The following MAP2K4 variants were observed in gnomAD, a reference collection of about 807,000 sequenced individuals.
MAP2K4 encodes mitogen-activated protein kinase kinase 4.
Under a neutral mutation model 48.5 loss-of-function variants are expected in MAP2K4, and 4 were observed. That is an observed-to-expected ratio of 0.08 (90% CI 0.04 to 0.19). The LOEUF is 0.19. Ranked by LOEUF, MAP2K4 falls within the 10% of genes least tolerant of loss-of-function variation. The pLI, the probability that MAP2K4 is intolerant of heterozygous loss-of-function variation, is 1.00. For synonymous variants in MAP2K4, 166 were observed against 173.1 expected (o/e 0.96, Z 0.32); for missense variants, 258 against 493.3 (o/e 0.52, Z 4.52).
At chr17:12,050,997 G>A (rs953524773) in intron 1 of MAP2K4, among the ~76,000 whole-genome samples, 1 of 152,104 alleles carries the variant, frequency 6.6e-6, no homozygotes, top group African/African-American at 2.4e-5. Context: ...TGTTTGAAAG[G>A]TGCTGGCTGT....
chr17:12,050,615 G>A (rs560885167), intron 1 of MAP2K4, among the ~76,000 whole-genome samples: 3 of 151,866 alleles, frequency 2.0e-5, no homozygotes, highest in South Asian at 4.1e-4. Flanking sequence ...TCAACTGCCC[G>A]TGTTGAGGTT....
intron 2 of MAP2K4, among the ~76,000 whole-genome samples, chr17:12,057,570 ATC>A (rs1229554659): frequency 3.3e-5 from 5 of 152,070 alleles, no homozygotes; most frequent in Non-Finnish European, 4.4e-5. Flanking sequence ...AGATTCATGT[ATC>A]TCTTTTTCTG....
intron 3 of MAP2K4, among the ~76,000 whole-genome samples, chr17:12,091,205 A>G (rs1971551243): frequency 6.6e-6 from 1 of 152,224 alleles, no homozygotes; most frequent in Non-Finnish European, 1.5e-5. Flanking sequence ...GCTAAATATT[A>G]TTCAAGATTT....
At chr17:12,136,865 G>A (rs566159227) in intron 9 of MAP2K4, among the ~76,000 whole-genome samples, 2 of 152,200 alleles carry the variant, frequency 1.3e-5, no homozygotes, top group South Asian at 4.2e-4. Flanking sequence ...ATGCTGTGTA[G>A]ATCTGATGCC....
chr17:12,116,211 T>G (rs1972487829), intron 7 of MAP2K4, among the ~76,000 whole-genome samples: 1 of 152,188 alleles, frequency 6.6e-6, no homozygotes, highest in African/African-American at 2.4e-5. Flanking sequence ...ACTTTATACT[T>G]TTGTTAGAAT....
intron 4 of MAP2K4, among the ~76,000 whole-genome samples, chr17:12,100,449 T>C (rs1971902236): frequency 6.6e-6 from 1 of 152,200 alleles, no homozygotes; most frequent in Non-Finnish European, 1.5e-5. Flanking sequence ...TCTATCAGTT[T>C]GTTACTCATT....
At chr17:12,130,048 G>A (rs1972974980) in intron 9 of MAP2K4, among the ~76,000 whole-genome samples, 1 of 152,120 alleles carries the variant, frequency 6.6e-6, no homozygotes, top group Non-Finnish European at 1.5e-5. Flanking sequence ...TGAACAAAAA[G>A]CCTCAGAGCA....
chr17:12,089,862 G>A (rs1280241701), intron 3 of MAP2K4, among the ~76,000 whole-genome samples: 2 of 152,252 alleles, frequency 1.3e-5, no homozygotes, highest in Non-Finnish European at 2.9e-5. Context: ...AACAAAAATA[G>A]CATCAGTTAG....
intron 2 of MAP2K4, among the ~76,000 whole-genome samples, chr17:12,075,506 G>A (rs1197945811): frequency 6.6e-6 from 1 of 152,186 alleles, no homozygotes; most frequent in Non-Finnish European, 1.5e-5. Context: ...GTGTTAATAG[G>A]TAAGGAACTT....
At chr17:12,140,206 T>C (rs1597509948) in intron 10 of MAP2K4, among the ~76,000 whole-genome samples, 1 of 25,066 alleles carries the variant, frequency 4.0e-5, no homozygotes, top group Non-Finnish European at 2.3e-4. Flanking sequence ...AGAAAAAAAT[T>C]AGTGAAAATT....
intron 1 of MAP2K4, among the ~76,000 whole-genome samples, chr17:12,040,941 C>A (rs1274909385): frequency 1.3e-5 from 2 of 152,194 alleles, no homozygotes; most frequent in Non-Finnish European, 2.9e-5. Context: ...GTCTCTCTCT[C>A]ATAATGTTCT....
chr17:12,088,925 T>G (rs1441579371), intron 3 of MAP2K4, among the ~76,000 whole-genome samples: 1 of 150,306 alleles, frequency 6.7e-6, no homozygotes, highest in African/African-American at 2.4e-5. Flanking sequence ...TTTTTTTTTT[T>G]TTTTGAGACA....
intron 2 of MAP2K4, among the ~76,000 whole-genome samples, chr17:12,074,246 A>T (rs926294379): frequency 6.6e-6 from 1 of 151,720 alleles, no homozygotes; most frequent in African/African-American, 2.4e-5. Flanking sequence ...CAATTGATTG[A>T]TGTTTTTCTC....
At chr17:12,087,591 C>G (rs567385365) in intron 3 of MAP2K4, among the ~76,000 whole-genome samples, 1 of 151,372 alleles carries the variant, frequency 6.6e-6, no homozygotes, top group Non-Finnish European at 1.5e-5. Flanking sequence ...TCTCAGTATC[C>G]CCAGTGAGAA....
chr17:12,139,915 C>A, intron 10 of MAP2K4, 31 bp downstream of exon 10: 2 of 1,530,068 alleles, frequency 1.3e-6, no homozygotes, highest in Non-Finnish European at 1.8e-6. Flanking sequence ...ATTGTAGGTA[C>A]ATCCTAACCC....
intron 4 of MAP2K4, among the ~76,000 whole-genome samples, chr17:12,100,813 C>T (rs1251251102): frequency 1.3e-5 from 2 of 152,066 alleles, no homozygotes; most frequent in Non-Finnish European, 2.9e-5. Context: ...TAATGACTAA[C>T]AGTGTTGAAT....
chr17:12,046,210 G>T (rs1187268709), intron 1 of MAP2K4, among the ~76,000 whole-genome samples: 1 of 152,142 alleles, frequency 6.6e-6, no homozygotes, highest in African/African-American at 2.4e-5. Context: ...GAGATAACTG[G>T]CTGCCTCCTT....
intron 3 of MAP2K4, among the ~76,000 whole-genome samples, chr17:12,094,473 G>A (rs1019166650): frequency 5.3e-5 from 8 of 151,994 alleles, no homozygotes; most frequent in Non-Finnish European, 1.2e-4. Context: ...CAGATACTTC[G>A]AAGTCTTTGG....
chr17:12,027,839 A>T (rs1398554065), intron 1 of MAP2K4, among the ~76,000 whole-genome samples: 1 of 151,874 alleles, frequency 6.6e-6, no homozygotes, highest in Non-Finnish European at 1.5e-5. Flanking sequence ...TTCCCTTTTA[A>T]TTCTCTCAAG....
Sources: gnomAD v4.1 joint callset for allele counts (sites outside exome capture counted in the v4.1 genomes callset) on GRCh38, gnomAD v4.1.1 for gene constraint, MANE v1.5 for transcripts, NCBI Gene and HGNC (gene_info 2026-07-23, HGNC 2026-07-21) for gene names.